The following OGDHL variants were observed in gnomAD, a reference collection of about 807,000 sequenced individuals.
OGDHL encodes the protein oxoglutarate dehydrogenase L.
In OGDHL, 79 loss-of-function variants were observed where a neutral mutation model predicts 109.6. The ratio of observed to expected loss-of-function variants is 0.72; its 90% CI spans 0.60 to 0.87. OGDHL has a LOEUF of 0.87. Among genes scored for constraint, OGDHL ranks in the 40% least tolerant of loss-of-function variants. The probability of loss-of-function intolerance (pLI) is 0.00; values close to 1 mark genes in which losing one functional copy is unlikely to be tolerated. For synonymous variants in OGDHL, 528 were observed against 537.2 expected, an observed-to-expected ratio of 0.98 and a Z score of 0.24; for missense variants, 1,275 against 1,362.2, an observed-to-expected ratio of 0.94 and a Z score of 1.01.
Position 49,739,843 on chromosome 10 carries a change from A to G in OGDHL, c.2141-4T>C. The G allele has an allele frequency of 6.2e-7, 1 of 1,611,138 alleles. No homozygotes were observed. On this transcript the variant is annotated splice_region_variant and splice_polypyrimidine_tract_variant and intron_variant, in intron 16 of 22. Coordinates refer to ENST00000374103, the MANE Select transcript of OGDHL (RefSeq NM_018245.3). ...ATGGCATAGCCCAGCTCAAAGCCTAAACAGAAGACAAGATAGAGCTTGCTG... is the reference window on the plus strand; with the variant it reads ...ATGGCATAGCCCAGCTCAAAGCCTAGACAGAAGACAAGATAGAGCTTGCTG...
intron 1 of OGDHL, among the ~76,000 whole-genome samples, chr10:49,761,575 T>C (rs1843283066): frequency 6.6e-6 from 1 of 152,150 alleles, no homozygotes; most frequent in Admixed American, 6.5e-5. Context: ...TCCAAGACAC[T>C]GGGGAGGGGC....
In OGDHL at chr10:49,742,983, G is replaced by A; in HGVS notation, c.1862-5C>T. 6.2e-7 allele frequency: 1 copy of A among 1,612,072 alleles called. No homozygotes were observed. The highest frequency in any genetic ancestry group is 1.1e-5 in the South Asian group (1 of 91,012). On this transcript the variant is annotated splice_region_variant and splice_polypyrimidine_tract_variant and intron_variant, in intron 14 of 22. Coordinates refer to ENST00000374103, the MANE Select transcript of OGDHL (RefSeq NM_018245.3). ...CCCGCAGAATGCGAGAGAGGCCTGTGGGAAAGGAGTGCTGGCCTGAGGGCC... is the reference window on the plus strand; with the variant it reads ...CCCGCAGAATGCGAGAGAGGCCTGTAGGAAAGGAGTGCTGGCCTGAGGGCC...
At chr10:49,743,040 G>A (rs552178435) in intron 14 of OGDHL, 62 bp from the exon 15 acceptor site, 1 of 1,578,826 alleles carries the variant, frequency 6.3e-7, no homozygotes, top group Non-Finnish European at 8.6e-7. Flanking sequence ...CGGGTAGGTA[G>A]GTGCTCAGCA....
chr10:49,759,372 G>C (rs1024429729), intron 1 of OGDHL, among the ~76,000 whole-genome samples: 1 of 152,118 alleles, frequency 6.6e-6, no homozygotes, highest in African/African-American at 2.4e-5. Context: ...GTCCAGGCAG[G>C]TACAGACTGG....
chr10:49,743,991 C>A lies in OGDHL; in HGVS notation c.1861+3G>T. 1 of 1,613,134 alleles carries A rather than the reference C, an allele frequency of 6.2e-7. No individual in the cohort carries two copies. ...TGGGCTGCAGCCTGTCCAGCAACCT[C>A]ACCAGTGTGGATCTTAAAGTCCTCC... On this transcript the variant is annotated splice_donor_region_variant and intron_variant, in intron 14 of 22. Coordinates refer to ENST00000374103, the MANE Select transcript of OGDHL (RefSeq NM_018245.3).
chr10:49,751,777 G>C, intron 6 of OGDHL, 50 bp downstream of exon 6: 1 of 1,594,736 alleles, frequency 6.3e-7, no homozygotes, highest in South Asian at 1.1e-5. Flanking sequence ...ACGTCTCATA[G>C]AGCCCTGGAG....
rs532409727 is a variant in OGDHL, at chr10:49,736,239, G to A, written c.2755-62C>T. ...GGGGCGGTATGTCCCCAGCACCCCCGGACAGGAGGCACAGGGCCTCACCGG... is the reference window on the plus strand; with the variant it reads ...GGGGCGGTATGTCCCCAGCACCCCCAGACAGGAGGCACAGGGCCTCACCGG... On this transcript the variant is annotated intron_variant, in intron 21 of 22. Transcript: ENST00000374103. 180 of 1,571,590 alleles carry A rather than the reference G, an allele frequency of 1.1e-4. No individual in the cohort carries two copies. The African/African-American group carries it at 2.2e-3, about 19-fold the overall frequency.
chr10:49,745,127 TC>T (rs974019698), intron 12 of OGDHL, among the ~76,000 whole-genome samples: 4 of 152,188 alleles, frequency 2.6e-5, no homozygotes, highest in South Asian at 2.1e-4. Context: ...AGGCTGGACT[TC>T]CCCCACATTG....
At chr10:49,754,430 AC>A (rs1842794862) in intron 3 of OGDHL, among the ~76,000 whole-genome samples, 1 of 152,222 alleles carries the variant, frequency 6.6e-6, no homozygotes, top group Admixed American at 6.5e-5. Flanking sequence ...TTTGAAAATC[AC>A]TGAATAAAAG....
In OGDHL at chr10:49,736,505, C is replaced by T. The variant is rs768853605; in HGVS notation, c.2606G>A (p.Arg869Gln). The change falls in exon 21 of 23, where the codon CGG becomes CAG. Residue 869 changes from arginine to glutamine, a missense_variant. Coordinates refer to ENST00000374103, the MANE Select transcript of OGDHL (RefSeq NM_018245.3). ...DQMVSGTSFQ[R>Q]VIPEDGAAAR... ...TGCGGCCCCATCTTCAGGAATCACC[C>T]GCTGGAAGCTGGTCCCTGAGGGACC... The T allele has an allele frequency of 3.0e-5, 48 of 1,613,270 alleles. 1 individual carries two copies. The highest frequency in any genetic ancestry group is 5.3e-5 in the African/African-American group (4 of 74,924).
At chr10:49,746,087 C>T in intron 10 of OGDHL, 110 bp from the exon 11 acceptor site, 1 of 1,258,380 alleles carries the variant, frequency 7.9e-7, no homozygotes. Flanking sequence ...CTGAGGTGCC[C>T]AGGAGGAATG....
intron 15 of OGDHL, among the ~76,000 whole-genome samples, chr10:49,742,255 T>C (rs1335231420): frequency 4.1e-5 from 4 of 96,476 alleles, no homozygotes; most frequent in Non-Finnish European, 8.3e-5. Context: ...ACACCACACA[T>C]ACCCCATACA....
chr10:49,744,617 G>A (rs2133018001), intron 13 of OGDHL, 33 bp downstream of exon 13: 3 of 1,554,358 alleles, frequency 1.9e-6, no homozygotes, highest in East Asian at 2.2e-5. Context: ...AAGGCCCAGG[G>A]GAGTCCCTCT....
rs575253550 is a variant in OGDHL, at chr10:49,758,505, G to T, written c.88C>A (p.Arg30Ser). The T allele has an allele frequency of 6.2e-7, 1 of 1,613,730 alleles. No individual in the cohort carries two copies. Among genetic ancestry groups the T allele is most frequent in the Non-Finnish European group, 8.5e-7 (1 of 1,180,034 alleles). The change falls in exon 2 of 23, where the codon CGC becomes AGC. Residue 30 changes from arginine (R) to serine (S), a missense_variant. Physicochemically the swap from Arg to Ser is moderately radical, Grantham distance 110. Coordinates refer to ENST00000374103, the MANE Select transcript of OGDHL (RefSeq NM_018245.3). ...GCCGGTGGCCCGGAGGACCTGCTGC[G>T]CCAGCCAAACACCGGGACGTCATGT... ...AAHDVPVFGW[R>S]SRSSGPPATF...
Position 49,750,977 on chromosome 10 carries a change from T to C in OGDHL, c.758A>G (p.Asp253Gly). 1.2e-6 allele frequency: 2 copies of C among 1,601,494 alleles called. No individual in the cohort carries two copies. The highest frequency in any genetic ancestry group is 1.7e-6 in the Non-Finnish European group (2 of 1,171,832). ...ARLVRSMRFE[D>G]FLARKWSSEK... ...TGAGGACCATTTCCGGGCCAGGAAGTCTTCAAACCTGCTTGGGGAGAGGAT... is the reference window on the plus strand; with the variant it reads ...TGAGGACCATTTCCGGGCCAGGAAGCCTTCAAACCTGCTTGGGGAGAGGAT... Residue 253 changes from aspartate (D) to glycine (G), a missense_variant, in exon 7 of 23, where the codon GAC becomes GGC. Physicochemically the swap from Asp to Gly is moderately conservative, Grantham distance 94 (BLOSUM62 -1). Transcript: ENST00000374103.
chr10:49,745,541 T>C, intron 11 of OGDHL, 45 bp from the exon 12 acceptor site: 2 of 1,608,560 alleles, frequency 1.2e-6, no homozygotes, highest in Non-Finnish European at 8.5e-7. Flanking sequence ...CTACGCTGTG[T>C]GGTCAATGTA....
rs997500943 is a variant in OGDHL, at chr10:49,756,786, C to T, written c.365G>A (p.Arg122Gln). Residue 122 changes from arginine to glutamine, a missense_variant, in exon 3 of 23, where the codon CGG (arginine) becomes CAG (glutamine). Transcript: ENST00000374103. ...TCAGCTGCCCCTCACCTGGTAGGCC[C>T]GGATCAGGGACTGCACAGCCAGGTG... ...EDHLAVQSLI[R>Q]AYQIRGHHVA... 1 of 1,612,708 alleles carries T rather than the reference C, an allele frequency of 6.2e-7. No individual in the cohort carries two copies. The highest frequency in any genetic ancestry group is 1.7e-5 in the Admixed American group (1 of 59,920).
chr10:49,746,740 A>G lies in OGDHL; in HGVS notation c.1296+10T>C, dbSNP rs1056225965. ...CGCTGTGAGGCCCAGCGTGGAGCCT[A>G]CATGCTCACCTGGTTGTTGACGACG... is the stretch of plus-strand genomic sequence containing the variant. On this transcript the variant is annotated intron_variant, in intron 10 of 22. Transcript: ENST00000374103. 2 of 1,613,812 alleles carry G rather than the reference A, an allele frequency of 1.2e-6. No homozygotes were observed. The highest frequency in any genetic ancestry group is 2.7e-5 in the African/African-American group (2 of 74,934).
chr10:49,754,085 G>A (rs1842772676), intron 3 of OGDHL, among the ~76,000 whole-genome samples: 1 of 152,102 alleles, frequency 6.6e-6, no homozygotes, highest in Non-Finnish European at 1.5e-5. Flanking sequence ...AGAAGCATCA[G>A]TATAAACCCT....
Sources: allele counts gnomAD v4.1 joint callset (sites outside exome capture counted in the v4.1 genomes callset), GRCh38; gene constraint gnomAD v4.1.1; transcripts MANE v1.5; gene names NCBI Gene and HGNC (gene_info 2026-07-23, HGNC 2026-07-21).